KCNU1: variants seen among roughly 807,000 people sequenced by gnomAD.
KCNU1 encodes the protein potassium channel subfamily U member 1.
In KCNU1, 93 loss-of-function variants were observed where a neutral mutation model predicts 126.8. The ratio of observed to expected loss-of-function variants is 0.73; its 90% CI spans 0.62 to 0.87. The LOEUF (loss-of-function observed/expected upper bound fraction) is 0.87, where lower values mean the gene tolerates loss of function less well. Among genes scored for constraint, KCNU1 ranks in the 40% least tolerant of loss-of-function variants. The pLI, the probability that KCNU1 is intolerant of heterozygous loss-of-function variation, is 0.00. For synonymous variants in KCNU1, 523 were observed against 494.2 expected, an observed-to-expected ratio of 1.06 and a Z score of -0.77; for missense variants, 1,330 against 1,367.1, an observed-to-expected ratio of 0.97 and a Z score of 0.43.
intron 23 of KCNU1, among the ~76,000 whole-genome samples, chr8:36,922,117 G>T (rs1393823396): frequency 6.6e-6 from 1 of 152,014 alleles, no homozygotes. Flanking sequence ...GTGACCATGT[G>T]TTCCTATTTA....
Position 36,814,489 on chromosome 8 carries a change from G to A in KCNU1, c.903+112G>A, listed in dbSNP as rs1327256269. On this transcript the variant is annotated intron_variant, in intron 8 of 26. Transcript: ENST00000399881. ...TAAGAGTGAATGTTGCATTACTTGG[G>A]GCACATGTCAAGGGCAAATGAAAAC... is the stretch of plus-strand genomic sequence containing the variant. The A allele has an allele frequency of 3.9e-6, 3 of 768,718 alleles. No individual in the cohort carries two copies. In the African/African-American group the frequency reaches 5.2e-5, roughly 13 times the overall value. 47.6% of individuals were successfully genotyped at this position (768,718 alleles called of 1,614,324 possible).
intron 14 of KCNU1, among the ~76,000 whole-genome samples, chr8:36,838,637 C>A (rs1477215500): frequency 6.6e-6 from 1 of 152,042 alleles, no homozygotes; most frequent in Non-Finnish European, 1.5e-5. Flanking sequence ...GTGGGGGTTG[C>A]AGTGAGCTGA....
At chr8:36,920,491 C>T (rs1808299132) in intron 23 of KCNU1, among the ~76,000 whole-genome samples, 1 of 152,172 alleles carries the variant, frequency 6.6e-6, no homozygotes, top group Non-Finnish European at 1.5e-5. Context: ...TTGTTTCTGG[C>T]ACCATGTAGC....
intron 10 of KCNU1, among the ~76,000 whole-genome samples, chr8:36,822,364 G>A (rs773028054): frequency 6.6e-6 from 1 of 152,034 alleles, no homozygotes; most frequent in Non-Finnish European, 1.5e-5. Context: ...CATCTTGGAT[G>A]TTCTAGACCA....
At chr8:36,839,330 T>C (rs1804867004) in intron 14 of KCNU1, among the ~76,000 whole-genome samples, 1 of 152,212 alleles carries the variant, frequency 6.6e-6, no homozygotes, top group African/African-American at 2.4e-5. Context: ...TAAATCTATC[T>C]CTGGAACTCT....
intron 2 of KCNU1, among the ~76,000 whole-genome samples, chr8:36,803,230 T>A (rs1039187716): frequency 6.6e-6 from 1 of 152,170 alleles, no homozygotes; most frequent in African/African-American, 2.4e-5. Flanking sequence ...AAGGAATATC[T>A]GAGCTAAAAT....
intron 10 of KCNU1, among the ~76,000 whole-genome samples, chr8:36,832,855 T>A (rs1195731187): frequency 6.6e-6 from 1 of 152,152 alleles, no homozygotes; most frequent in Non-Finnish European, 1.5e-5. Flanking sequence ...CATATATATT[T>A]AATATTTTCA....
chr8:36,831,028 G>A lies in KCNU1; in HGVS notation c.1107-2526G>A, dbSNP rs551072074. 2.3e-3 allele frequency among the ~76,000 whole-genome samples: 347 copies of A among 151,142 alleles called. 5 individuals are homozygous for A. The highest frequency in any genetic ancestry group is 7.7e-3 in the African/African-American group (317 of 41,124). ...GCAGTATTTGGTTTTTTGTTCTTGC[G>A]ATAGTTTACTGAGAATGATGATTTC... On this transcript the variant is annotated intron_variant, in intron 10 of 26. Transcript: ENST00000399881.
chr8:36,798,963 G>C (rs914836277), intron 2 of KCNU1, among the ~76,000 whole-genome samples: 3 of 151,998 alleles, frequency 2.0e-5, no homozygotes, highest in Non-Finnish European at 4.4e-5. Flanking sequence ...TCTTATCGTC[G>C]ACAGTCTGAA....
At chr8:36,865,850 A>G (rs1356991758) in intron 19 of KCNU1, among the ~76,000 whole-genome samples, 3 of 152,014 alleles carry the variant, frequency 2.0e-5, no homozygotes, top group Non-Finnish European at 4.4e-5. Context: ...TTCACTCCTA[A>G]TAAAGAAGGA....
At chr8:36,844,653 G>C (rs534193256) in intron 16 of KCNU1, among the ~76,000 whole-genome samples, 1 of 152,270 alleles carries the variant, frequency 6.6e-6, no homozygotes, top group East Asian at 1.9e-4. Context: ...ATTTATTTTT[G>C]TGAGGGTTCT....
At chr8:36,810,954 A>C (rs144566703) in intron 7 of KCNU1, among the ~76,000 whole-genome samples, 1 of 152,374 alleles carries the variant, frequency 6.6e-6, no homozygotes, top group Non-Finnish European at 1.5e-5. Context: ...AGGGATTATT[A>C]AACAATAGAA....
At position 36,836,882 on chromosome 8, in the gene KCNU1, A is replaced by G; in HGVS notation, c.1455A>G (p.Gln485=). ...FAELKLGFIA[Q]GCLVPGLCTF... Reference sequence around the variant, plus strand: ...AATTAAAACTTGGATTTATCGCCCAAGGCTGTTTGGTGCCAGGCTTGTGTA... The same window carrying G: ...AATTAAAACTTGGATTTATCGCCCAGGGCTGTTTGGTGCCAGGCTTGTGTA... The change falls in exon 14 of 27, where the codon CAA becomes CAG. Residue 485 remains glutamine, a synonymous_variant. Transcript: ENST00000399881. 1.2e-6 allele frequency: 2 copies of G among 1,613,890 alleles called. No individual in the cohort carries two copies. Among genetic ancestry groups the G allele is most frequent in the Non-Finnish European group, 1.7e-6 (2 of 1,179,816 alleles).
At chr8:36,828,651 T>A (rs1472743279) in intron 10 of KCNU1, among the ~76,000 whole-genome samples, 3 of 152,240 alleles carry the variant, frequency 2.0e-5, no homozygotes, top group African/African-American at 7.2e-5. Flanking sequence ...CTTCTTTTGG[T>A]GTGATTAGTG....
chr8:36,822,935 G>A (rs999276564), intron 10 of KCNU1, among the ~76,000 whole-genome samples: 1 of 152,142 alleles, frequency 6.6e-6, no homozygotes, highest in Non-Finnish European at 1.5e-5. Context: ...AATTTAAAAG[G>A]TGAGAACTTT....
At position 36,797,186 on chromosome 8, in the gene KCNU1, A is replaced by G. The variant is rs570703124; in HGVS notation, c.316-6841A>G. Among the ~76,000 whole-genome samples the G allele has an allele frequency of 2.6e-5, 4 of 152,222 alleles. No homozygotes were observed. In the South Asian group the frequency reaches 6.2e-4, roughly 24 times the overall value. On this transcript the variant is annotated intron_variant, in intron 2 of 26. Coordinates refer to ENST00000399881, the MANE Select transcript of KCNU1 (RefSeq NM_001031836.3). Reference sequence around the variant, plus strand: ...ATTGGAATTCATTCACATAATATGAATATAAAGGAGGCTATAATAACACCC... The same window carrying G: ...ATTGGAATTCATTCACATAATATGAGTATAAAGGAGGCTATAATAACACCC...
Position 36,935,638 on chromosome 8 carries a change from T to G in KCNU1, c.3168T>G (p.Tyr1056Ter), listed in dbSNP as rs867200833. ...RNEEFSLQKS[Y>*]EIVNKASQTT... is the part of the protein sequence containing the mutation. ...AAGAGTTCTCATTGCAAAAGTCATA[T>G]GAAATTGTAAATAAAGCATCACAGA... is the stretch of plus-strand genomic sequence containing the variant. Residue 1056 changes from tyrosine (Y) to a stop codon, truncating the protein, a stop_gained, in exon 27 of 27, where the codon TAT becomes TAG. Coordinates refer to ENST00000399881, the MANE Select transcript of KCNU1 (RefSeq NM_001031836.3). LOFTEE classifies it low-confidence loss of function (END_TRUNC). 3.7e-6 allele frequency: 6 copies of G among 1,613,368 alleles called. No homozygotes were observed. The highest frequency in any genetic ancestry group is 3.3e-4 in the Middle Eastern group (2 of 6,078).
At chr8:36,913,229 T>C (rs188706821) in intron 22 of KCNU1, among the ~76,000 whole-genome samples, 78 of 152,258 alleles carry the variant, frequency 5.1e-4, no homozygotes, top group Non-Finnish European at 1.0e-3. Context: ...TTTTATGATA[T>C]GTTGGGTACT....
At chr8:36,839,142 G>A (rs912258175) in intron 14 of KCNU1, among the ~76,000 whole-genome samples, 2 of 152,170 alleles carry the variant, frequency 1.3e-5, no homozygotes, top group African/African-American at 4.8e-5. Flanking sequence ...TCAATGCCAT[G>A]TGTTTTAATT....
Sources: allele counts gnomAD v4.1 joint callset (sites outside exome capture counted in the v4.1 genomes callset), GRCh38; gene constraint gnomAD v4.1.1; transcripts MANE v1.5; gene names NCBI Gene and HGNC (gene_info 2026-07-23, HGNC 2026-07-21).